SYNJ1: variants seen among roughly 807,000 people sequenced by gnomAD.
SYNJ1 encodes polyphosphatidylinositol phosphatase SYNJ1.
A neutral mutation model predicts 168.2 loss-of-function variants in SYNJ1; 78 were observed. That is an observed-to-expected ratio of 0.46 (90% CI 0.39 to 0.56). The LOEUF is 0.56. SYNJ1 is among the 20% of genes least tolerant of loss of function. The probability of loss-of-function intolerance (pLI) is 0.00; values close to 1 mark genes in which losing one functional copy is unlikely to be tolerated. For missense variants in SYNJ1, 1,303 were observed against 1,597.6 expected, an observed-to-expected ratio of 0.82 and a Z score of 3.14; for synonymous variants, 539 against 548.6, an observed-to-expected ratio of 0.98 and a Z score of 0.24.
intron 15 of SYNJ1, among the ~76,000 whole-genome samples, chr21:32,667,577 CTCTT>C (rs2040989105): frequency 6.6e-6 from 1 of 152,070 alleles, no homozygotes; most frequent in South Asian, 2.1e-4. Flanking sequence ...CTCCTAATCT[CTCTT>C]TTTTTCTTGA....
At chr21:32,713,190 GGAT>G (rs1425748851) in intron 2 of SYNJ1, among the ~76,000 whole-genome samples, 1 of 148,884 alleles carries the variant, frequency 6.7e-6, no homozygotes, top group African/African-American at 2.5e-5. Flanking sequence ...ATATCAACAT[GGAT>G]GATTTCCCAT....
At chr21:32,662,636 C>CA in intron 18 of SYNJ1, among the ~76,000 whole-genome samples, 1 of 152,060 alleles carries the variant, frequency 6.6e-6, no homozygotes, top group Non-Finnish European at 1.5e-5. Flanking sequence ...CCTGTGCTGT[C>CA]ATTAAGAGCA....
intron 31 of SYNJ1, among the ~76,000 whole-genome samples, chr21:32,635,977 T>C (rs970432680): frequency 2.0e-4 from 30 of 152,166 alleles, no homozygotes; most frequent in African/African-American, 6.5e-4. Context: ...AAACTAATTT[T>C]GACAATTCAG....
chr21:32,724,452 C>T (rs2043369454), intron 2 of SYNJ1, among the ~76,000 whole-genome samples: 1 of 152,186 alleles, frequency 6.6e-6, no homozygotes, highest in African/African-American at 2.4e-5. Context: ...CATGCCACTG[C>T]ACTCCAGCCT....
rs377719553 is a variant in SYNJ1, at chr21:32,666,518, T to C, written c.1867A>G (p.Asn623Asp). 33 of 1,614,058 alleles carry C rather than the reference T, an allele frequency of 2.0e-5. No homozygotes were observed. The highest frequency in any genetic ancestry group is 2.8e-5 in the Non-Finnish European group (33 of 1,180,014). The change falls in exon 16 of 33, where the codon AAC (asparagine) becomes GAC (aspartate). Residue 623 changes from asparagine (N) to aspartate (D), a missense_variant. By Grantham distance (23) the Asn-to-Asp change is conservative. Around this residue, in one of 2 missense-constraint regions of SYNJ1, gnomAD observed 920 missense variants for 1,208.8 expected, o/e 0.76. Coordinates refer to ENST00000674351, the MANE Select transcript of SYNJ1 (RefSeq NM_203446.3). ...VELQKTISRD[N>D]KYVLLASEQL... ...TCAGAAGCCAGCAGCACATACTTGT[T>C]GTCTCTGGAGATTGTCTTCTGAAGT...
At chr21:32,691,071 C>A (rs1751852557) in intron 6 of SYNJ1, among the ~76,000 whole-genome samples, 1 of 152,092 alleles carries the variant, frequency 6.6e-6, no homozygotes, top group African/African-American at 2.4e-5. Context: ...CAATGTTTAC[C>A]ATTTTTTGAC....
At position 32,678,735 on chromosome 21, in the gene SYNJ1, C is replaced by CTT. The variant is rs1364463059; in HGVS notation, c.1418_1419dup (p.Glu474LysfsTer13). On this transcript the variant is annotated frameshift_variant, in exon 12 of 33. Transcript: ENST00000674351. LOFTEE classifies it high-confidence loss of function. ...CCCAGTAGCAAAACATCAATGGCCTCTTGCTTGGAGCTGTCAAAGAAGTTA... is the reference window on the plus strand; with the variant it reads ...CCCAGTAGCAAAACATCAATGGCCTCTTTTGCTTGGAGCTGTCAAAGAAGTTA... 6.2e-7 allele frequency: 1 copy of CTT among 1,613,458 alleles called. No individual in the cohort carries two copies. Among genetic ancestry groups the CTT allele is most frequent in the African/African-American group, 1.3e-5 (1 of 74,874 alleles).
chr21:32,695,216 A>G lies in SYNJ1; in HGVS notation c.546T>C (p.Leu182=). ...GVNCDDWLLR[L]MCGGVEIRTI... is the part of the protein sequence containing the mutation. ...TTCTGATTTCTACTCCTCCACACAT[A>G]AGACGTAATAACCAGTCATCACAAT... is the stretch of plus-strand genomic sequence containing the variant. The change falls in exon 5 of 33, where the codon CTT becomes CTC. Residue 182 remains leucine, a synonymous_variant. Coordinates refer to ENST00000674351, the MANE Select transcript of SYNJ1 (RefSeq NM_203446.3). 1 of 1,614,110 alleles carries G rather than the reference A, an allele frequency of 6.2e-7. No individual in the cohort carries two copies.
chr21:32,691,197 G>T (rs1221359165), intron 6 of SYNJ1, among the ~76,000 whole-genome samples: 1 of 152,308 alleles, frequency 6.6e-6, no homozygotes, highest in East Asian at 1.9e-4. Context: ...GAGTTCTCAT[G>T]AATGGTTTGG....
chr21:32,645,527 G>T (rs1280879266), intron 25 of SYNJ1, 119 bp downstream of exon 25: 5 of 1,303,972 alleles, frequency 3.8e-6, no homozygotes. Context: ...CTAAGAAATA[G>T]CAATAATGAT....
rs1431605105 is a variant in SYNJ1 at position 32,646,433 on chromosome 21, G to T, written c.3207C>A (p.Ser1069Arg). 6.2e-7 allele frequency: 1 copy of T among 1,614,194 alleles called. No homozygotes were observed. The highest frequency in any genetic ancestry group is 1.7e-5 in the Admixed American group (1 of 60,032). ...GCCCAGGAGTTCTTGACGGTGCTCG[G>T]CTTGGTCTGATGGGAAGGGAAGGTA... ...GPVPSLPIRP[S>R]RAPSRTPGPP... The change falls in exon 24 of 33, where the codon AGC (serine) becomes AGA (arginine). Residue 1069 changes from serine to arginine, a missense_variant. Coordinates refer to ENST00000674351, the MANE Select transcript of SYNJ1 (RefSeq NM_203446.3).
intron 2 of SYNJ1, among the ~76,000 whole-genome samples, chr21:32,703,181 A>G (rs2042473868): frequency 1.3e-5 from 2 of 152,222 alleles, no homozygotes; most frequent in Admixed American, 6.5e-5. Context: ...GGCTAAGACT[A>G]ACTGACTCAG....
chr21:32,701,540 G>A (rs928527508), intron 3 of SYNJ1, among the ~76,000 whole-genome samples: 18 of 149,268 alleles, frequency 1.2e-4, no homozygotes, highest in African/African-American at 2.2e-4. Flanking sequence ...GTGACATTAC[G>A]TGGCAAAAAA....
chr21:32,646,098 T>C (rs571598781), intron 24 of SYNJ1: 3 of 680,130 alleles, frequency 4.4e-6, no homozygotes, highest in Admixed American at 2.1e-5. Flanking sequence ...GTCTGGCCAG[T>C]AGAGAGAAGA....
At chr21:32,693,030 CAAATAAATAAATATAT>C (rs1288178919) in intron 6 of SYNJ1, among the ~76,000 whole-genome samples, 1 of 151,238 alleles carries the variant, frequency 6.6e-6, no homozygotes, top group Non-Finnish European at 1.5e-5. Flanking sequence ...GACCCTGTCT[CAAATAAATAAATATAT>C]AAATAAATAA....
chr21:32,659,580 G>A (rs1270941109), intron 18 of SYNJ1, among the ~76,000 whole-genome samples: 1 of 152,138 alleles, frequency 6.6e-6, no homozygotes, highest in Non-Finnish European at 1.5e-5. Flanking sequence ...GAAAATCCCT[G>A]TCCTGTTCTG....
chr21:32,650,091 G>A, intron 23 of SYNJ1, 93 bp downstream of exon 23: 2 of 1,444,694 alleles, frequency 1.4e-6, no homozygotes, highest in Admixed American at 2.4e-5. Flanking sequence ...GTCCCAAGAA[G>A]AAGAAGAAAG....
Position 32,694,268 on chromosome 21 carries a change from C to T in SYNJ1, c.749G>A (p.Arg250Gln), listed in dbSNP as rs762909719. The T allele has an allele frequency of 3.2e-6, 5 of 1,567,722 alleles. No individual in the cohort carries two copies. Among genetic ancestry groups the T allele is most frequent in the South Asian group, 1.2e-5 (1 of 83,434 alleles). The change falls in exon 6 of 33, where the codon CGA becomes CAA. Residue 250 changes from arginine (R) to glutamine (Q), a missense_variant. By Grantham distance (43) the Arg-to-Gln change is conservative (BLOSUM62 1). Around this residue, in one of 2 missense-constraint regions of SYNJ1, gnomAD observed 920 missense variants for 1,208.8 expected, o/e 0.76. Coordinates refer to ENST00000674351, the MANE Select transcript of SYNJ1 (RefSeq NM_203446.3). ...CTCCCAGAACAATGGAACAGATCCT[C>T]GGATTTGTATGAAGGAAGAAACTGA... The part of the protein sequence containing the change: ...DDSVSSFIQI[R>Q]GSVPLFWEQP...
At position 32,695,278 on chromosome 21, in the gene SYNJ1, G is replaced by A; in HGVS notation, c.484C>T (p.Gln162Ter). The A allele has an allele frequency of 6.2e-7, 1 of 1,612,886 alleles. No homozygotes were observed. The highest frequency in any genetic ancestry group is 1.3e-5 in the African/African-American group (1 of 74,998). Residue 162 changes from glutamine (Q) to a stop codon, truncating the protein, a stop_gained, in exon 5 of 33, where the codon CAG becomes TAG. Transcript: ENST00000674351. LOFTEE classifies it high-confidence loss of function. ...TGTTTGAGATGCAAATGCAAAGACT[G>A]ATTCCTAATAGGAAAAGAAATAAAT... ...QTTDNRFFWN[Q>*]SLHLHLKHYG...
Sources: allele counts gnomAD v4.1 joint callset (sites outside exome capture counted in the v4.1 genomes callset), GRCh38; gene constraint gnomAD v4.1.1; regional missense constraint gnomAD v4.1.1; transcripts MANE v1.5; gene names NCBI Gene and HGNC (gene_info 2026-07-23, HGNC 2026-07-21).